Variants in PCCA observed in about 807,000 individuals in gnomAD.
PCCA encodes propionyl-CoA carboxylase subunit alpha.
A neutral mutation model predicts 101.3 loss-of-function variants in PCCA; 74 were observed. That is an observed-to-expected ratio of 0.73 (90% CI 0.61 to 0.89). The LOEUF (loss-of-function observed/expected upper bound fraction) is 0.89, where lower values mean the gene tolerates loss of function less well. PCCA is among the 40% of genes least tolerant of loss of function. The pLI is 0.00. For synonymous variants in PCCA, 294 were observed against 313.6 expected, an observed-to-expected ratio of 0.94 and a Z score of 0.66; for missense variants, 891 against 907.0, an observed-to-expected ratio of 0.98 and a Z score of 0.23.
chr13:100,236,655 T>C (rs2060816618), intron 8 of PCCA: 1 of 152,120 alleles, frequency 6.6e-6, no homozygotes, highest in South Asian at 2.1e-4. Flanking sequence ...AGAGATGGAG[T>C]TTCACTATGT....
chr13:100,100,331 A>G (rs1356687198), intron 1 of PCCA, among the ~76,000 whole-genome samples: 1 of 152,182 alleles, frequency 6.6e-6, no homozygotes, highest in Admixed American at 6.6e-5. Context: ...ACCAGTGGCA[A>G]TATGTTACTG....
At chr13:100,307,876 T>A (rs2066582173) in intron 15 of PCCA, among the ~76,000 whole-genome samples, 1 of 152,242 alleles carries the variant, frequency 6.6e-6, no homozygotes, top group Admixed American at 6.5e-5. Flanking sequence ...ATTATTTTTT[T>A]GAGATGGAGT....
At chr13:100,091,600 T>A (rs983399363) in intron 1 of PCCA, among the ~76,000 whole-genome samples, 1 of 152,172 alleles carries the variant, frequency 6.6e-6, no homozygotes, top group Admixed American at 6.5e-5. Flanking sequence ...CTGAATCTTT[T>A]GAAGATTTTA....
chr13:100,234,674 T>G (rs2060676958), intron 7 of PCCA, among the ~76,000 whole-genome samples: 2 of 151,514 alleles, frequency 1.3e-5, no homozygotes, highest in South Asian at 4.2e-4. Flanking sequence ...TAGACATAAG[T>G]GAACCAGTTA....
intron 4 of PCCA, among the ~76,000 whole-genome samples, chr13:100,146,497 C>T (rs1462923366): frequency 2.0e-5 from 3 of 151,618 alleles, no homozygotes; most frequent in African/African-American, 2.4e-5. Flanking sequence ...ATCACTTGAA[C>T]CCAAGAGGCG....
At chr13:100,478,363 G>A (rs990619007) in intron 21 of PCCA, among the ~76,000 whole-genome samples, 3 of 152,178 alleles carry the variant, frequency 2.0e-5, no homozygotes, top group Non-Finnish European at 2.9e-5. Flanking sequence ...GGGGCTCTGG[G>A]ATCAGCCTGC....
chr13:100,503,715 G>A (rs1353466478), intron 21 of PCCA, among the ~76,000 whole-genome samples: 1 of 152,030 alleles, frequency 6.6e-6, no homozygotes, highest in Admixed American at 6.6e-5. Context: ...ACCAGCCTGG[G>A]CAACATGGCA....
chr13:100,336,750 T>C (rs918377357), intron 17 of PCCA, among the ~76,000 whole-genome samples: 1 of 152,210 alleles, frequency 6.6e-6, no homozygotes, highest in Non-Finnish European at 1.5e-5. Context: ...TCCAGCCATG[T>C]CTTCACTGAA....
chr13:100,441,318 CAT>C (rs779718691), intron 20 of PCCA, among the ~76,000 whole-genome samples: 10 of 152,142 alleles, frequency 6.6e-5, no homozygotes, highest in Non-Finnish European at 8.8e-5. Flanking sequence ...GCCTTTAAAA[CAT>C]ATTACCAAGT....
intron 18 of PCCA, among the ~76,000 whole-genome samples, chr13:100,357,545 G>A (rs773808433): frequency 3.9e-5 from 6 of 152,060 alleles, no homozygotes; most frequent in African/African-American, 7.2e-5. Flanking sequence ...AAAACAACAC[G>A]GAAAAGTTTC....
chr13:100,400,569 C>T (rs370035239), intron 19 of PCCA, among the ~76,000 whole-genome samples: 1 of 148,096 alleles, frequency 6.8e-6, no homozygotes, highest in African/African-American at 2.5e-5. Flanking sequence ...TTCACACTTA[C>T]AGAAGTGTTA....
chr13:100,473,741 A>T (rs965952587), intron 21 of PCCA, among the ~76,000 whole-genome samples: 1 of 152,242 alleles, frequency 6.6e-6, no homozygotes, highest in African/African-American at 2.4e-5. Context: ...CACAATATGC[A>T]GTTTGCTTCG....
intron 21 of PCCA, among the ~76,000 whole-genome samples, chr13:100,497,000 A>G (rs1177793159): frequency 6.6e-6 from 1 of 152,226 alleles, no homozygotes; most frequent in Admixed American, 6.5e-5. Flanking sequence ...TGGCAGTACA[A>G]GTGCACTTGT....
intron 21 of PCCA, among the ~76,000 whole-genome samples, chr13:100,505,907 A>G (rs1594055282): frequency 7.0e-6 from 1 of 142,332 alleles, no homozygotes; most frequent in Non-Finnish European, 1.5e-5. Context: ...CTGAACAACC[A>G]GAGATGTTTG....
chr13:100,108,092 C>T (rs1055083996), intron 2 of PCCA, among the ~76,000 whole-genome samples: 1 of 152,094 alleles, frequency 6.6e-6, no homozygotes, highest in Non-Finnish European at 1.5e-5. Context: ...TCCTCTTGGT[C>T]TCTGAATGGA....
intron 12 of PCCA, among the ~76,000 whole-genome samples, chr13:100,275,724 C>T (rs866207373): frequency 1.3e-4 from 19 of 150,620 alleles, no homozygotes; most frequent in South Asian, 4.2e-4. Flanking sequence ...TAATTTTTTC[C>T]TGTACAAGTT....
At chr13:100,122,510 T>C (rs1395466330) in intron 4 of PCCA, among the ~76,000 whole-genome samples, 1 of 152,208 alleles carries the variant, frequency 6.6e-6, no homozygotes, top group African/African-American at 2.4e-5. Flanking sequence ...TTTTACTTAT[T>C]GTAGGTTTTT....
At chr13:100,142,821 G>C (rs1225951068) in intron 4 of PCCA, among the ~76,000 whole-genome samples, 2 of 152,146 alleles carry the variant, frequency 1.3e-5, no homozygotes, top group African/African-American at 4.8e-5. Context: ...GTCCTAGTAT[G>C]AGGCTGGTAA....
chr13:100,244,858 G>C (rs2061343742), intron 8 of PCCA, among the ~76,000 whole-genome samples: 1 of 151,718 alleles, frequency 6.6e-6, no homozygotes, highest in Non-Finnish European at 1.5e-5. Flanking sequence ...TGTAGGTACT[G>C]AATATTGATT....
Sources: allele counts gnomAD v4.1 joint callset (sites outside exome capture counted in the v4.1 genomes callset), GRCh38; gene constraint gnomAD v4.1.1; transcripts MANE v1.5; gene names NCBI Gene and HGNC (gene_info 2026-07-23, HGNC 2026-07-21).